Variants in PSD3 observed in about 807,000 individuals in gnomAD.
The protein encoded by PSD3 is pleckstrin and Sec7 domain containing 3, also known as PH and SEC7 domain-containing protein 3.
In PSD3, 49 loss-of-function variants were observed where a neutral mutation model predicts 105.5. The ratio of observed to expected loss-of-function variants is 0.46; its 90% CI spans 0.37 to 0.59. The LOEUF is 0.59. Among genes scored for constraint, PSD3 ranks in the 20% least tolerant of loss-of-function variants. The pLI is 0.00. For synonymous variants in PSD3, 557 were observed against 457.8 expected (o/e 1.22, Z -2.77); for missense variants, 1,561 against 1,263.8 (o/e 1.24, Z -3.57).
chr8:18,942,780 T>C (rs529655531), intron 1 of PSD3, among the ~76,000 whole-genome samples: 34 of 152,284 alleles, frequency 2.2e-4, no homozygotes, highest in Non-Finnish European at 4.9e-4. Flanking sequence ...GTAAGAAAAT[T>C]AATTTCTGTT....
At chr8:19,083,415 G>A (rs1328954050) in intron 1 of PSD3, among the ~76,000 whole-genome samples, 2 of 152,160 alleles carry the variant, frequency 1.3e-5, no homozygotes, top group African/African-American at 4.8e-5. Context: ...CATGATCAGA[G>A]GCAGAGCCCG....
chr8:18,540,189 T>C (rs1441534874), intron 15 of PSD3, among the ~76,000 whole-genome samples: 1 of 152,218 alleles, frequency 6.6e-6, no homozygotes. Flanking sequence ...GCTATTCTGA[T>C]AGAAGGTGGT....
chr8:18,855,480 A>G (rs1240059405), intron 4 of PSD3, among the ~76,000 whole-genome samples: 1 of 152,232 alleles, frequency 6.6e-6, no homozygotes, highest in Non-Finnish European at 1.5e-5. Context: ...ACAGCAATTA[A>G]ACTGATCAAA....
At chr8:18,708,301 T>C (rs1007620196) in intron 9 of PSD3, among the ~76,000 whole-genome samples, 25 of 152,294 alleles carry the variant, frequency 1.6e-4, no homozygotes, top group African/African-American at 5.3e-4. Flanking sequence ...CTACATTGTA[T>C]GGAAGGGCCA....
chr8:18,998,379 C>T (rs906232591), intron 1 of PSD3, among the ~76,000 whole-genome samples: 1 of 151,942 alleles, frequency 6.6e-6, no homozygotes, highest in Non-Finnish European at 1.5e-5. Flanking sequence ...CTTGCTTCAC[C>T]AGAGCTCATT....
chr8:18,807,155 G>A (rs898671301), intron 4 of PSD3, among the ~76,000 whole-genome samples: 1 of 152,164 alleles, frequency 6.6e-6, no homozygotes, highest in African/African-American at 2.4e-5. Context: ...AAGCAGAACT[G>A]CTCCATCTTG....
Position 19,024,376 on chromosome 8 carries a change from A to T in PSD3, c.324+59830T>A, listed in dbSNP as rs73204588. Among the ~76,000 whole-genome samples the T allele has an allele frequency of 6.0e-3, 912 of 152,316 alleles. 7 individuals carry two copies. Among genetic ancestry groups the T allele is most frequent in the Non-Finnish European group, 0.011 (720 of 68,020 alleles). The stretch of plus-strand genomic sequence containing the variant: ...AGACACTGCTGCTCTGCAGGGAGTG[A>T]TGAAGGGAGATAATGAAGACCATGC... On this transcript the variant is annotated intron_variant, in intron 1 of 1. Transcript: ENST00000521475.
chr8:18,783,152 T>C (rs1353073465), intron 8 of PSD3, among the ~76,000 whole-genome samples: 1 of 152,226 alleles, frequency 6.6e-6, no homozygotes, highest in Non-Finnish European at 1.5e-5. Flanking sequence ...AGTTTTCTGA[T>C]TACTAAACTC....
chr8:18,859,239 T>TC (rs1816252440), intron 4 of PSD3, among the ~76,000 whole-genome samples: 1 of 151,758 alleles, frequency 6.6e-6, no homozygotes, highest in Admixed American at 6.6e-5. Flanking sequence ...TTTTTTTTTT[T>TC]TTGCCTCTAA....
intron 2 of PSD3, among the ~76,000 whole-genome samples, chr8:18,920,319 C>T (rs1403030016): frequency 6.6e-6 from 1 of 151,994 alleles, no homozygotes; most frequent in African/African-American, 2.4e-5. Context: ...CATATAATGC[C>T]CTAAATATCA....
intron 2 of PSD3, 84 bp from the exon 3 acceptor site, chr8:18,872,817 G>A: frequency 7.6e-7 from 1 of 1,314,632 alleles, no homozygotes; most frequent in Non-Finnish European, 1.0e-6. Context: ...CACAGATTAG[G>A]CACTCAATAA....
chr8:19,019,056 A>G (rs2129475787), intron 1 of PSD3, among the ~76,000 whole-genome samples: 1 of 152,294 alleles, frequency 6.6e-6, no homozygotes, highest in Middle Eastern at 3.4e-3. Context: ...CGGTCTCCCA[A>G]AAGGCTGGGA....
intron 1 of PSD3, among the ~76,000 whole-genome samples, chr8:19,041,201 T>C (rs1388237224): frequency 1.3e-5 from 2 of 152,300 alleles, no homozygotes; most frequent in East Asian, 1.9e-4. Context: ...CCAACCTTGA[T>C]CCCATTTTAT....
chr8:18,824,360 AATG>A (rs1272930582), intron 4 of PSD3, among the ~76,000 whole-genome samples: 5 of 152,208 alleles, frequency 3.3e-5, no homozygotes, highest in Non-Finnish European at 7.3e-5. Context: ...AGAGAAAAGA[AATG>A]ATAAATTTGG....
At chr8:18,853,438 T>C (rs1815751571) in intron 4 of PSD3, among the ~76,000 whole-genome samples, 1 of 152,106 alleles carries the variant, frequency 6.6e-6, no homozygotes, top group Admixed American at 6.5e-5. Context: ...TCAATTCCCC[T>C]TCTTTAGCAT....
At chr8:18,870,985 G>A (rs1586282895) in intron 3 of PSD3, among the ~76,000 whole-genome samples, 1 of 152,114 alleles carries the variant, frequency 6.6e-6, no homozygotes, top group African/African-American at 2.4e-5. Context: ...TGTAGTCCCA[G>A]CTACTCAGAG....
At chr8:18,876,694 C>G (rs1586301765) in intron 2 of PSD3, among the ~76,000 whole-genome samples, 1 of 152,180 alleles carries the variant, frequency 6.6e-6, no homozygotes. Context: ...ACCACCGCAT[C>G]TGGCCTAAAT....
At chr8:19,073,825 C>T (rs546438245) in intron 1 of PSD3, among the ~76,000 whole-genome samples, 227 of 151,286 alleles carry the variant, frequency 1.5e-3, no homozygotes, top group African/African-American at 5.1e-3. Flanking sequence ...GAATCTCGCT[C>T]TGTCGCCCAG....
At chr8:18,927,680 C>T (rs182260096) in intron 2 of PSD3, among the ~76,000 whole-genome samples, 105 of 152,292 alleles carry the variant, frequency 6.9e-4, no homozygotes, top group Admixed American at 1.1e-3. Flanking sequence ...CCTGAACACA[C>T]GTAGGAGAAA....
Sources: gnomAD v4.1 joint callset for allele counts (sites outside exome capture counted in the v4.1 genomes callset) on GRCh38, gnomAD v4.1.1 for gene constraint, MANE v1.5 for transcripts, NCBI Gene and HGNC (gene_info 2026-07-23, HGNC 2026-07-21) for gene names.